The following KCNN2 variants were observed in gnomAD, a reference collection of about 807,000 sequenced individuals.
The protein encoded by KCNN2 is small conductance calcium-activated potassium channel protein 2.
Under a neutral mutation model 55.5 loss-of-function variants are expected in KCNN2, and 24 were observed. That is an observed-to-expected ratio of 0.43 (90% CI 0.31 to 0.61). The LOEUF (loss-of-function observed/expected upper bound fraction) is 0.61. Among genes scored for constraint, KCNN2 ranks in the 20% least tolerant of loss-of-function variants. The pLI, the probability that KCNN2 is intolerant of heterozygous loss-of-function variation, is 0.08. For missense variants in KCNN2, 754 were observed against 853.6 expected (o/e 0.88, Z 1.45); for synonymous variants, 431 against 336.1 (o/e 1.28, Z -3.09).
intron 2 of KCNN2, among the ~76,000 whole-genome samples, chr5:114,251,910 G>T (rs544686183): frequency 1.5e-5 from 2 of 136,966 alleles, no homozygotes; most frequent in Non-Finnish European, 3.1e-5. Flanking sequence ...ACAGGATCTC[G>T]CTCTGTCGCC....
chr5:114,371,497 A>G (rs560637857), intron 2 of KCNN2, among the ~76,000 whole-genome samples: 12 of 152,270 alleles, frequency 7.9e-5, no homozygotes, highest in African/African-American at 2.9e-4. Context: ...AGCACTCTAT[A>G]TTGAATGCTA....
intron 2 of KCNN2, among the ~76,000 whole-genome samples, chr5:114,260,661 GA>G (rs1185326935): frequency 1.3e-5 from 2 of 152,148 alleles, no homozygotes; most frequent in Admixed American, 1.3e-4. Context: ...AAATAGAAGG[GA>G]AGAAAAGAAC....
At chr5:114,488,072 T>C (rs1255126025) in intron 6 of KCNN2, among the ~76,000 whole-genome samples, 1 of 152,188 alleles carries the variant, frequency 6.6e-6, no homozygotes, top group Non-Finnish European at 1.5e-5. Flanking sequence ...TTCAGGTAAT[T>C]CATATGTAAT....
chr5:114,381,404 A>G, intron 2 of KCNN2, among the ~76,000 whole-genome samples: 1 of 152,312 alleles, frequency 6.6e-6, no homozygotes, highest in South Asian at 2.1e-4. Context: ...GGTTGAAAGA[A>G]ATACAAAAAC....
chr5:114,181,886 C>T (rs768340960), intron 1 of KCNN2, among the ~76,000 whole-genome samples: 55 of 152,154 alleles, frequency 3.6e-4, no homozygotes, highest in Admixed American at 7.2e-4. Flanking sequence ...TTGTGGCGCA[C>T]GCCTGTAGTC....
intron 1 of KCNN2, among the ~76,000 whole-genome samples, chr5:114,057,946 G>C (rs1158685522): frequency 6.6e-6 from 1 of 152,222 alleles, no homozygotes; most frequent in Non-Finnish European, 1.5e-5. Flanking sequence ...TTCAAACATT[G>C]CTGATGGGAG....
intron 6 of KCNN2, among the ~76,000 whole-genome samples, chr5:114,492,997 G>A (rs1162544481): frequency 6.6e-6 from 1 of 152,048 alleles, no homozygotes; most frequent in Non-Finnish European, 1.5e-5. Context: ...ATCTAATCAT[G>A]TAGGCATAGG....
At chr5:114,143,528 T>C in intron 1 of KCNN2, among the ~76,000 whole-genome samples, 1 of 152,160 alleles carries the variant, frequency 6.6e-6, no homozygotes, top group African/African-American at 2.4e-5. Context: ...GTCTTATCCC[T>C]ATGAACAGGT....
chr5:114,133,454 T>G (rs1580541929), intron 1 of KCNN2, among the ~76,000 whole-genome samples: 1 of 152,164 alleles, frequency 6.6e-6, no homozygotes, highest in African/African-American at 2.4e-5. Context: ...ATTACTTTGT[T>G]TGGGGAACAA....
chr5:114,205,147 T>G (rs1426289557), intron 1 of KCNN2, among the ~76,000 whole-genome samples: 1 of 152,110 alleles, frequency 6.6e-6, no homozygotes, highest in Non-Finnish European at 1.5e-5. Flanking sequence ...TCTTTGTGTA[T>G]AGGCAGAATT....
chr5:114,243,770 G>T (rs1219787581), intron 2 of KCNN2, among the ~76,000 whole-genome samples: 1 of 152,112 alleles, frequency 6.6e-6, no homozygotes, highest in Admixed American at 6.5e-5. Context: ...CATCCACTAG[G>T]GATTTTGGAA....
rs10658266 is a variant in KCNN2 at position 114,232,925 on chromosome 5, G to GTTTTTTTTTTTTTTTTTTTTTTT, written c.-185+11373_-185+11374insTTTTTTTTTTTTTTTTTTTTTTT. 3.9e-5 allele frequency among the ~76,000 whole-genome samples: 3 copies of GTTTTTTTTTTTTTTTTTTTTTTT among 76,274 alleles called. 1 individual carries two copies. Among genetic ancestry groups the GTTTTTTTTTTTTTTTTTTTTTTT allele is most frequent in the East Asian group, 1.2e-3 (2 of 1,726 alleles). The allele number at this position is 76,274 out of a possible 152,430, so 50.0% of individuals were successfully genotyped here. On this transcript the variant is annotated intron_variant, in intron 2 of 10. Transcript: ENST00000512097. ...GAGGTAATTTTTTATATTGTTTCTTGTTTTTTTTTTTTTGAGACGGAGTCT... is the reference window on the plus strand; with the variant it reads ...GAGGTAATTTTTTATATTGTTTCTTGTTTTTTTTTTTTTTTTTTTTTTTTTTTTTTTTTTTTGAGACGGAGTCT...
chr5:114,184,057 C>A (rs1753285237), intron 1 of KCNN2, among the ~76,000 whole-genome samples: 1 of 152,148 alleles, frequency 6.6e-6, no homozygotes, highest in Admixed American at 6.5e-5. Context: ...GTCCAGTGTT[C>A]TTTGCACTGA....
intron 2 of KCNN2, among the ~76,000 whole-genome samples, chr5:114,226,892 C>T (rs1184716302): frequency 1.8e-5 from 2 of 109,170 alleles, no homozygotes; most frequent in East Asian, 5.1e-4. Context: ...CACAGCGAGA[C>T]TCCGTCTCAA....
intron 1 of KCNN2, among the ~76,000 whole-genome samples, chr5:114,163,143 C>G (rs1752827309): frequency 6.6e-6 from 1 of 152,246 alleles, no homozygotes; most frequent in Middle Eastern, 3.4e-3. Context: ...CATCTTGGCT[C>G]CACCCCTGAA....
rs755442466 is a variant in KCNN2 at position 114,134,456 on chromosome 5, A to ATGATTGATTGAT, written c.-271+77961_-271+77962insGATTGATTGATT. Among the ~76,000 whole-genome samples, 130 of 101,484 alleles carry ATGATTGATTGAT rather than the reference A, an allele frequency of 1.3e-3. 1 individual carries two copies. The highest frequency in any genetic ancestry group is 1.8e-3 in the African/African-American group (45 of 25,184). 66.6% of individuals were successfully genotyped at this position (101,484 alleles called of 152,430 possible). Reference sequence around the variant, plus strand: ...AATACTTTAACTTTGCAATCCAACCATGATTTATTTATTTATTTATTTATT... The same window carrying ATGATTGATTGAT: ...AATACTTTAACTTTGCAATCCAACCATGATTGATTGATTGATTTATTTATTTATTTATTTATT... On this transcript the variant is annotated intron_variant, in intron 1 of 10. Transcript: ENST00000512097.
rs766460496 is a variant in KCNN2 at position 114,487,037 on chromosome 5, G to T, written c.1891-13G>T. ...CTGGAATTTATCAACTGCTTTGTTTGTTCTCTTAACAGGTAAAAAATGCAG... is the reference window on the plus strand; with the variant it reads ...CTGGAATTTATCAACTGCTTTGTTTTTTCTCTTAACAGGTAAAAAATGCAG... On this transcript the variant is annotated splice_polypyrimidine_tract_variant and intron_variant, in intron 5 of 7. Coordinates refer to ENST00000673685, the MANE Select transcript of KCNN2 (RefSeq NM_021614.4). 3.7e-6 allele frequency: 6 copies of T among 1,612,406 alleles called. No individual in the cohort carries two copies. The highest frequency in any genetic ancestry group is 1.3e-5 in the African/African-American group (1 of 74,950).
intron 1 of KCNN2, among the ~76,000 whole-genome samples, chr5:114,058,884 G>T (rs1750265702): frequency 6.6e-6 from 1 of 152,200 alleles, no homozygotes; most frequent in African/African-American, 2.4e-5. Context: ...GAGAGAAGCT[G>T]ATGGCAGGAC....
chr5:114,241,915 A>G (rs970537001), intron 2 of KCNN2, among the ~76,000 whole-genome samples: 2 of 147,996 alleles, frequency 1.4e-5, no homozygotes, highest in African/African-American at 2.5e-5. Context: ...TGGACTATTA[A>G]TCTTTTAAAG....
Sources: gnomAD v4.1 joint callset for allele counts (sites outside exome capture counted in the v4.1 genomes callset) on GRCh38, gnomAD v4.1.1 for gene constraint, MANE v1.5 for transcripts, NCBI Gene and HGNC (gene_info 2026-07-23, HGNC 2026-07-21) for gene names.